PRR16: variants seen among roughly 807,000 people sequenced by gnomAD.
PRR16 encodes the protein protein Largen.
In PRR16, 6 loss-of-function variants were observed where a neutral mutation model predicts 18.2. The ratio of observed to expected loss-of-function variants is 0.33; its 90% CI spans 0.18 to 0.65. The LOEUF (loss-of-function observed/expected upper bound fraction) is 0.65, where lower values mean the gene tolerates loss of function less well. Among genes scored for constraint, PRR16 ranks in the 30% least tolerant of loss-of-function variants. The pLI, the probability that PRR16 is intolerant of heterozygous loss-of-function variation, is 0.74. For synonymous variants in PRR16, 151 were observed against 147.8 expected (o/e 1.02, Z -0.16); for missense variants, 412 against 376.6 (o/e 1.09, Z -0.78).
At chr5:120,728,154 AT>A in the PRR16 span, among the ~76,000 whole-genome samples, 4 of 152,148 alleles carry the variant, frequency 2.6e-5, no homozygotes, top group South Asian at 2.1e-4. Flanking sequence ...GCTGAGATTA[AT>A]TTTTTAAGTA....
chr5:120,474,461 A>G (rs1443210212), intron 1 of PRR16, among the ~76,000 whole-genome samples: 1 of 152,094 alleles, frequency 6.6e-6, no homozygotes, highest in Non-Finnish European at 1.5e-5. Flanking sequence ...TTTGAGAACT[A>G]CTGCTCTTGC....
At chr5:120,555,895 C>G (rs968483986) in intron 1 of PRR16, among the ~76,000 whole-genome samples, 4 of 149,656 alleles carry the variant, frequency 2.7e-5, no homozygotes, top group African/African-American at 9.8e-5. Context: ...AAAGACAGTC[C>G]TAACCATTGT....
chr5:120,707,067 T>A, the PRR16 span, among the ~76,000 whole-genome samples: 1 of 152,186 alleles, frequency 6.6e-6, no homozygotes, highest in South Asian at 2.1e-4. Flanking sequence ...GGAGAAAATT[T>A]ACATCTCAAA....
intron 1 of PRR16, among the ~76,000 whole-genome samples, chr5:120,495,332 C>T (rs1186153362): frequency 2.6e-5 from 4 of 151,912 alleles, no homozygotes; most frequent in South Asian, 2.1e-4. Flanking sequence ...ATACATTAGT[C>T]TCTTGGTATC....
At chr5:120,756,888 T>A in the PRR16 span, among the ~76,000 whole-genome samples, 1 of 152,154 alleles carries the variant, frequency 6.6e-6, no homozygotes, top group Non-Finnish European at 1.5e-5. Flanking sequence ...TCCAGAATGG[T>A]ATTCTTTAGG....
the PRR16 span, among the ~76,000 whole-genome samples, chr5:120,712,598 A>AT: frequency 6.6e-6 from 1 of 152,202 alleles, no homozygotes; most frequent in African/African-American, 2.4e-5. Flanking sequence ...CAAAATATAT[A>AT]ACAAACACAA....
At position 120,613,577 on chromosome 5, in the gene PRR16, T is replaced by C. The variant is rs536740660; in HGVS notation, c.160-72377T>C. The stretch of plus-strand genomic sequence containing the variant: ...TTTTTAGTATTTTATTTAATTCATA[T>C]GATTGGTTTACATATATGATCTATT... On this transcript the variant is annotated intron_variant, in intron 1 of 1. Coordinates refer to ENST00000407149, the MANE Select transcript of PRR16 (RefSeq NM_001300783.2). Among the ~76,000 whole-genome samples the C allele has an allele frequency of 7.2e-5, 11 of 152,262 alleles. No homozygotes were observed. In the South Asian group the frequency reaches 2.1e-3, roughly 29 times the overall value.
At chr5:120,706,873 A>T in the PRR16 span, among the ~76,000 whole-genome samples, 2 of 152,330 alleles carry the variant, frequency 1.3e-5, no homozygotes, top group Middle Eastern at 3.4e-3. Flanking sequence ...AGGTTGGTCA[A>T]TGTGATTAGG....
chr5:120,775,625 C>A, the PRR16 span, among the ~76,000 whole-genome samples: 1 of 148,222 alleles, frequency 6.7e-6, no homozygotes, highest in Non-Finnish European at 1.5e-5. Context: ...TTCTCTTTTT[C>A]TTTCTCCTTT....
At chr5:120,695,924 T>C in the PRR16 span, among the ~76,000 whole-genome samples, 2 of 49,612 alleles carry the variant, frequency 4.0e-5, no homozygotes, top group Admixed American at 4.2e-4. Context: ...TTCCAACATA[T>C]ATATGTGTGT....
At chr5:120,497,128 G>T (rs1208589296) in intron 1 of PRR16, among the ~76,000 whole-genome samples, 2 of 152,032 alleles carry the variant, frequency 1.3e-5, no homozygotes, top group Non-Finnish European at 2.9e-5. Context: ...TCAGAATATG[G>T]TCTATTTTTG....
chr5:120,514,670 T>G (rs1459517534), intron 1 of PRR16, among the ~76,000 whole-genome samples: 1 of 152,228 alleles, frequency 6.6e-6, no homozygotes, highest in Non-Finnish European at 1.5e-5. Context: ...GTAACCAGGA[T>G]AGCCTTTACT....
At chr5:120,725,264 C>A in the PRR16 span, among the ~76,000 whole-genome samples, 1 of 149,822 alleles carries the variant, frequency 6.7e-6, no homozygotes, top group Non-Finnish European at 1.5e-5. Flanking sequence ...GTCTCATATT[C>A]AGGACTCTGA....
At chr5:120,770,956 A>T in the PRR16 span, among the ~76,000 whole-genome samples, 361 of 102,324 alleles carry the variant, frequency 3.5e-3, no homozygotes, top group Non-Finnish European at 5.4e-3. Flanking sequence ...TCTCTCACAC[A>T]CACACACACA....
At chr5:120,712,620 A>T in the PRR16 span, among the ~76,000 whole-genome samples, 1 of 152,154 alleles carries the variant, frequency 6.6e-6, no homozygotes, top group African/African-American at 2.4e-5. Context: ...TCAATAGTAA[A>T]AGAAAAAAAA....
At chr5:120,681,079 T>A (rs1049135238) in intron 1 of PRR16, among the ~76,000 whole-genome samples, 3 of 152,160 alleles carry the variant, frequency 2.0e-5, no homozygotes, top group Non-Finnish European at 2.9e-5. Context: ...TTTCTGTGTC[T>A]CTTTTTGGCA....
At chr5:120,535,554 C>T (rs990660252) in intron 1 of PRR16, among the ~76,000 whole-genome samples, 2 of 152,190 alleles carry the variant, frequency 1.3e-5, no homozygotes, top group Non-Finnish European at 2.9e-5. Context: ...AATCCCAGCA[C>T]TTTGGGAGGC....
the PRR16 span, among the ~76,000 whole-genome samples, chr5:120,787,604 G>A: frequency 3.9e-5 from 6 of 152,080 alleles, no homozygotes; most frequent in African/African-American, 1.4e-4. Context: ...CTCTTATCTT[G>A]AATGCATGGT....
intron 1 of PRR16, among the ~76,000 whole-genome samples, chr5:120,609,089 T>TC (rs971728672): frequency 3.9e-5 from 6 of 152,150 alleles, no homozygotes; most frequent in Non-Finnish European, 8.8e-5. Flanking sequence ...GATGTTCTTT[T>TC]TTTTTCAACA....
Sources: gnomAD v4.1 joint callset for allele counts (sites outside exome capture counted in the v4.1 genomes callset) on GRCh38, gnomAD v4.1.1 for gene constraint, MANE v1.5 for transcripts, NCBI Gene and HGNC (gene_info 2026-07-23, HGNC 2026-07-21) for gene names.